The following PLA2G4E variants were observed in gnomAD, a reference collection of about 807,000 sequenced individuals.
The protein encoded by PLA2G4E is cytosolic phospholipase A2 epsilon.
Under a neutral mutation model 109.1 loss-of-function variants are expected in PLA2G4E, and 84 were observed. The observed-to-expected ratio is 0.77, with a 90% CI of 0.65 to 0.92. PLA2G4E has a LOEUF of 0.92. PLA2G4E is among the 40% of genes least tolerant of loss of function. PLA2G4E has a pLI of 0.00. For synonymous variants in PLA2G4E, 469 were observed against 436.1 expected (o/e 1.08, Z -0.94); for missense variants, 1,057 against 1,076.6 (o/e 0.98, Z 0.25).
chr15:41,986,578 C>T (rs757368618), intron 17 of PLA2G4E, among the ~76,000 whole-genome samples: 3 of 151,468 alleles, frequency 2.0e-5, no homozygotes, highest in Middle Eastern at 3.4e-3. Flanking sequence ...AGTGCAGTGG[C>T]GTGATCATGG....
chr15:41,989,606 A>G (rs2068208571), intron 14 of PLA2G4E, 54 bp from the exon 15 acceptor site: 3 of 1,564,162 alleles, frequency 1.9e-6, no homozygotes, highest in South Asian at 2.3e-5. Context: ...AGCCGTCCAC[A>G]CAGCCGGGCC....
chr15:42,001,557 G>A (rs1354439992), intron 6 of PLA2G4E, among the ~76,000 whole-genome samples: 1 of 152,180 alleles, frequency 6.6e-6, no homozygotes, highest in Admixed American at 6.5e-5. Flanking sequence ...CGACAAAATA[G>A]CCTTGTCAAG....
At chr15:41,984,331 CT>C (rs2068104877) in intron 19 of PLA2G4E, 104 bp downstream of exon 19, 9 of 1,280,380 alleles carry the variant, frequency 7.0e-6, no homozygotes, top group Non-Finnish European at 7.5e-6. Context: ...CAGGCTGGAG[CT>C]GAGCCAGGCT....
Position 42,050,589 on chromosome 15 carries a change from C to A in PLA2G4E, c.115G>T (p.Glu39Ter). 11 of 1,550,616 alleles carry A rather than the reference C, an allele frequency of 7.1e-6. No homozygotes were observed. The highest frequency in any genetic ancestry group is 9.6e-6 in the Non-Finnish European group (11 of 1,146,988). The change falls in exon 1 of 20, where the codon GAG becomes TAG. Residue 39 changes from glutamate to a stop codon, truncating the protein, a stop_gained. Coordinates refer to ENST00000399518, the Ensembl canonical transcript of PLA2G4E. LOFTEE classifies it high-confidence loss of function. ...GGAGTGTCCAGGTCCTGTGTATCCT[C>A]GAACTCACTGAAACTTCTTCCTGAC...
intron 11 of PLA2G4E, among the ~76,000 whole-genome samples, chr15:41,995,715 G>T (rs1759962786): frequency 6.6e-6 from 1 of 152,236 alleles, no homozygotes; most frequent in African/African-American, 2.4e-5. Flanking sequence ...TGTCAGTGAA[G>T]GACTCTGAAG....
At chr15:42,014,168 A>T (rs2068566314) in intron 1 of PLA2G4E, among the ~76,000 whole-genome samples, 1 of 152,080 alleles carries the variant, frequency 6.6e-6, no homozygotes, top group Non-Finnish European at 1.5e-5. Context: ...CTGGGATTAC[A>T]GGCATGAGCC....
intron 15 of PLA2G4E, among the ~76,000 whole-genome samples, chr15:41,988,579 T>C (rs1462293662): frequency 6.6e-6 from 1 of 152,184 alleles, no homozygotes; most frequent in Non-Finnish European, 1.5e-5. Context: ...CATTGACCCA[T>C]TTGGAATCTC....
chr15:42,041,313 G>A (rs982485905), intron 1 of PLA2G4E, among the ~76,000 whole-genome samples: 23 of 119,856 alleles, frequency 1.9e-4, no homozygotes, highest in Admixed American at 5.9e-4. Context: ...TGGTTGATGG[G>A]TAAAAGGAAA....
chr15:42,036,245 G>A (rs1365676234), intron 1 of PLA2G4E, among the ~76,000 whole-genome samples: 2 of 152,224 alleles, frequency 1.3e-5, no homozygotes, highest in African/African-American at 2.4e-5. Flanking sequence ...TGGGGGCCGC[G>A]GCGATGGGGC....
At chr15:42,038,489 G>A (rs1392251479) in intron 1 of PLA2G4E, among the ~76,000 whole-genome samples, 1 of 152,224 alleles carries the variant, frequency 6.6e-6, no homozygotes, top group Non-Finnish European at 1.5e-5. Context: ...TTCTCACAAG[G>A]AGCGTGCAAC....
intron 1 of PLA2G4E, among the ~76,000 whole-genome samples, chr15:42,019,139 G>A (rs755106021): frequency 3.9e-5 from 6 of 152,148 alleles, no homozygotes; most frequent in Non-Finnish European, 7.4e-5. Flanking sequence ...TCTTCAGGGC[G>A]CATGCACTCC....
chr15:42,033,115 G>A (rs1889143687), intron 1 of PLA2G4E, among the ~76,000 whole-genome samples: 1 of 152,122 alleles, frequency 6.6e-6, no homozygotes, highest in South Asian at 2.1e-4. Context: ...TTGTGTGAGA[G>A]TACTTGGGAG....
chr15:41,983,023 A>G (rs1316575405), exon 20 of PLA2G4E: 1 of 152,338 alleles, frequency 6.6e-6, no homozygotes, highest in East Asian at 1.9e-4. Flanking sequence ...GCGTTGGCTC[A>G]TGCCTGTAAT....
At chr15:42,026,157 TA>T (rs1285701907) in intron 1 of PLA2G4E, among the ~76,000 whole-genome samples, 1 of 152,008 alleles carries the variant, frequency 6.6e-6, no homozygotes, top group Non-Finnish European at 1.5e-5. Context: ...AAAAAAAAGA[TA>T]TAGAGGAGAG....
intron 9 of PLA2G4E, 33 bp downstream of exon 9, chr15:41,999,884 A>G (rs2068395692): frequency 1.3e-6 from 2 of 1,571,302 alleles, no homozygotes; most frequent in African/African-American, 2.7e-5. Flanking sequence ...AGGGGAAGTA[A>G]GTCAGGGGCC....
chr15:42,016,157 G>T (rs1352613756), intron 1 of PLA2G4E, among the ~76,000 whole-genome samples: 1 of 151,414 alleles, frequency 6.6e-6, no homozygotes, highest in Non-Finnish European at 1.5e-5. Flanking sequence ...AAATACTATT[G>T]GGATTGGGGG....
chr15:42,025,440 A>T (rs2068685551), intron 1 of PLA2G4E, among the ~76,000 whole-genome samples: 2 of 151,558 alleles, frequency 1.3e-5, no homozygotes, highest in Non-Finnish European at 2.9e-5. Context: ...TGGGAGGGAG[A>T]GTTGTGTGTC....
At chr15:42,033,024 T>A (rs542099541) in intron 1 of PLA2G4E, among the ~76,000 whole-genome samples, 1 of 152,096 alleles carries the variant, frequency 6.6e-6, no homozygotes, top group East Asian at 1.9e-4. Flanking sequence ...GCTGTGAGCA[T>A]GTATGAGTGG....
In PLA2G4E at chr15:42,016,215, A is replaced by T. The variant is rs74008940; in HGVS notation, c.184-2458T>A. On this transcript the variant is annotated intron_variant, in intron 1 of 19. Transcript: ENST00000399518. ...AAAAAAAAGTTTCTATAATCCCACC[A>T]CTCAGAGACCATCTTTTTATCTTTA... Among the ~76,000 whole-genome samples the T allele has an allele frequency of 2.4e-3, 323 of 136,932 alleles. 1 individual carries two copies. The highest frequency in any genetic ancestry group is 8.4e-3 in the African/African-American group (303 of 36,282). The allele number at this position is 136,932 out of a possible 152,430, so 89.8% of individuals were successfully genotyped here.
Sources: gnomAD v4.1 joint callset for allele counts (sites outside exome capture counted in the v4.1 genomes callset) on GRCh38, gnomAD v4.1.1 for gene constraint, MANE v1.5 for transcripts, NCBI Gene and HGNC (gene_info 2026-07-23, HGNC 2026-07-21) for gene names.